The following GRID1 variants were observed in gnomAD, a reference collection of about 807,000 sequenced individuals.
GRID1 encodes glutamate ionotropic receptor delta type subunit 1, also known as glutamate receptor ionotropic, delta-1.
GRID1 carries 28 observed loss-of-function variants against 98.0 expected under a neutral mutation model. The ratio of observed to expected loss-of-function variants is 0.29; its 90% CI spans 0.21 to 0.39. The LOEUF (loss-of-function observed/expected upper bound fraction) is 0.39, where lower values mean the gene tolerates loss of function less well. GRID1 is among the 10% of genes least tolerant of loss of function. The pLI, the probability that GRID1 is intolerant of heterozygous loss-of-function variation, is 1.00. For synonymous variants in GRID1, 553 were observed against 538.5 expected (o/e 1.03, Z -0.37); for missense variants, 1,111 against 1,340.5 (o/e 0.83, Z 2.67).
chr10:85,999,429 A>T (rs1251546945), intron 4 of GRID1, among the ~76,000 whole-genome samples: 1 of 152,182 alleles, frequency 6.6e-6, no homozygotes, highest in Non-Finnish European at 1.5e-5. Flanking sequence ...TCTCTTCCAG[A>T]AATAGAAGAG....
chr10:86,097,582 A>G (rs575657265), intron 4 of GRID1, among the ~76,000 whole-genome samples: 1 of 152,260 alleles, frequency 6.6e-6, no homozygotes, highest in South Asian at 2.1e-4. Context: ...TCTGTATCCT[A>G]TTGGTTCTCT....
At chr10:85,982,928 C>A (rs1189950230) in intron 4 of GRID1, among the ~76,000 whole-genome samples, 1 of 152,190 alleles carries the variant, frequency 6.6e-6, no homozygotes, top group Non-Finnish European at 1.5e-5. Context: ...CTGTAAAAAC[C>A]TGCATAAAAA....
intron 2 of GRID1, among the ~76,000 whole-genome samples, chr10:86,279,504 AC>A (rs1336983618): frequency 3.9e-5 from 6 of 152,342 alleles, no homozygotes; most frequent in Admixed American, 1.3e-4. Flanking sequence ...AAAAAGAAAC[AC>A]ATATGATCAT....
rs552277926 is a variant in GRID1 at position 85,992,376 on chromosome 10, C to T, written c.727-76137G>A. Among the ~76,000 whole-genome samples, 8 of 152,128 alleles carry T rather than the reference C, an allele frequency of 5.3e-5. 1 individual carries two copies. The South Asian group carries it at 1.7e-3, about 32-fold the overall frequency. ...TGTGGGAGTTTTGCCTGGTGAATAT[C>T]ACAAAGAAAAGGGAACAGGAAAATT... On this transcript the variant is annotated intron_variant, in intron 4 of 15. Coordinates refer to ENST00000327946, the MANE Select transcript of GRID1 (RefSeq NM_017551.3).
chr10:86,320,827 C>T (rs1030424225), intron 2 of GRID1, among the ~76,000 whole-genome samples: 2 of 152,032 alleles, frequency 1.3e-5, no homozygotes, highest in African/African-American at 4.8e-5. Context: ...GAGCCGGGCG[C>T]GGTGGCTCAC....
intron 2 of GRID1, among the ~76,000 whole-genome samples, chr10:86,340,380 G>GA (rs1410238221): frequency 2.0e-5 from 3 of 152,216 alleles, no homozygotes; most frequent in Non-Finnish European, 4.4e-5. Context: ...GCCTAATGCA[G>GA]AAAACGTGCA....
intron 8 of GRID1, among the ~76,000 whole-genome samples, chr10:85,742,787 A>G (rs113569364): frequency 1.4e-3 from 218 of 152,220 alleles, no homozygotes; most frequent in African/African-American, 5.0e-3. Context: ...CTTCCTTTAA[A>G]TCTGGGCTGA....
At chr10:86,259,601 C>A (rs895101882) in intron 2 of GRID1, among the ~76,000 whole-genome samples, 18 of 152,300 alleles carry the variant, frequency 1.2e-4, no homozygotes, top group African/African-American at 4.3e-4. Flanking sequence ...GAAATGAAGT[C>A]AATTATTTCA....
chr10:86,040,351 G>A (rs1458492585), intron 4 of GRID1, among the ~76,000 whole-genome samples: 2 of 151,960 alleles, frequency 1.3e-5, no homozygotes, highest in Non-Finnish European at 2.9e-5. Flanking sequence ...CCCATCAATG[G>A]ATGAACAGAT....
intron 5 of GRID1, among the ~76,000 whole-genome samples, chr10:85,876,048 G>A (rs78569832): frequency 0.038 from 5,812 of 152,210 alleles, 177 homozygotes; most frequent in East Asian, 0.17. Context: ...ATTCTAAGTC[G>A]ACTACTATTT....
In GRID1 at chr10:85,829,756, T is replaced by C. The variant is rs1376589751; in HGVS notation, c.1233+24740A>G. Among the ~76,000 whole-genome samples, 4 of 152,170 alleles carry C rather than the reference T, an allele frequency of 2.6e-5. No homozygotes were observed. In the East Asian group the frequency reaches 7.7e-4, roughly 29 times the overall value. Reference sequence around the variant, plus strand: ...TAAAGCTAACTAAAGAGGTGAAAGATTTCTACAATGAGAATTATAAAACAC... The same window carrying C: ...TAAAGCTAACTAAAGAGGTGAAAGACTTCTACAATGAGAATTATAAAACAC... On this transcript the variant is annotated intron_variant, in intron 8 of 15. Coordinates refer to ENST00000327946, the MANE Select transcript of GRID1 (RefSeq NM_017551.3).
intron 8 of GRID1, among the ~76,000 whole-genome samples, chr10:85,784,560 A>T (rs555569140): frequency 1.3e-5 from 2 of 152,296 alleles, no homozygotes; most frequent in South Asian, 4.2e-4. Flanking sequence ...ACCAAGTGGG[A>T]TGCTTACTGC....
intron 8 of GRID1, among the ~76,000 whole-genome samples, chr10:85,761,182 G>T (rs1842144014): frequency 6.6e-6 from 1 of 152,198 alleles, no homozygotes; most frequent in Admixed American, 6.5e-5. Context: ...AACAGTGCCT[G>T]CCTCCAGTTT....
At chr10:86,007,287 C>T (rs12776960) in intron 4 of GRID1, among the ~76,000 whole-genome samples, 11,842 of 152,238 alleles carry the variant, frequency 0.078, 496 homozygotes, top group Non-Finnish European at 0.099. Context: ...GCTTCTCTGC[C>T]GCTCTCTCCT....
chr10:85,723,199 A>AG, intron 11 of GRID1, 58 bp from the exon 12 acceptor site: 3 of 1,528,998 alleles, frequency 2.0e-6, no homozygotes, highest in Non-Finnish European at 2.7e-6. Context: ...TCCTATCCCC[A>AG]GGGAGGTGTT....
At position 85,877,051 on chromosome 10, in the gene GRID1, G is replaced by C. The variant is rs953447896; in HGVS notation, c.781-7871C>G. On this transcript the variant is annotated intron_variant, in intron 5 of 15. Transcript: ENST00000327946. ...AAACTGCAAGGCGGCAGTAAGGCTG[G>C]GGGAGGGGCGCCTGCCATTGCCCAG... Among the ~76,000 whole-genome samples the C allele has an allele frequency of 1.2e-4, 19 of 152,346 alleles. No homozygotes were observed. In the East Asian group the frequency reaches 2.9e-3, roughly 23 times the overall value.
intron 2 of GRID1, among the ~76,000 whole-genome samples, chr10:86,332,564 A>G (rs1205925866): frequency 2.0e-5 from 3 of 151,912 alleles, no homozygotes; most frequent in Non-Finnish European, 2.9e-5. Context: ...GCCTCCTAAA[A>G]GCCAAACTCC....
intron 4 of GRID1, among the ~76,000 whole-genome samples, chr10:86,136,826 T>C (rs541057008): frequency 2.6e-5 from 4 of 152,256 alleles, no homozygotes; most frequent in African/African-American, 9.6e-5. Context: ...TACTAGAGGG[T>C]GGGGGATTTA....
chr10:85,842,206 T>C (rs1842967232), intron 8 of GRID1, among the ~76,000 whole-genome samples: 3 of 151,958 alleles, frequency 2.0e-5, no homozygotes, highest in African/African-American at 7.2e-5. Context: ...CCATTATCCT[T>C]AGCAGAATAG....
Sources: gnomAD v4.1 joint callset for allele counts (sites outside exome capture counted in the v4.1 genomes callset) on GRCh38, gnomAD v4.1.1 for gene constraint, MANE v1.5 for transcripts, NCBI Gene and HGNC (gene_info 2026-07-23, HGNC 2026-07-21) for gene names.